The following MCEE variants were observed in gnomAD, a reference collection of about 807,000 sequenced individuals.
MCEE encodes the protein methylmalonyl-CoA epimerase, mitochondrial.
Under a neutral mutation model 12.9 loss-of-function variants are expected in MCEE, and 6 were observed. The ratio of observed to expected loss-of-function variants is 0.47; its 90% CI spans 0.26 to 0.92. MCEE has a LOEUF of 0.92. Ranked by LOEUF, MCEE falls within the 40% of genes least tolerant of loss-of-function variation. MCEE has a pLI of 0.16. For missense variants in MCEE, 214 were observed against 212.1 expected (o/e 1.01, Z -0.05); for synonymous variants, 78 against 77.9 (o/e 1.00, Z -0.01).
intron 1 of MCEE, among the ~76,000 whole-genome samples, chr2:71,127,862 G>A (rs558615858): frequency 6.6e-6 from 1 of 152,332 alleles, no homozygotes; most frequent in East Asian, 1.9e-4. Context: ...CTGACCTCAG[G>A]TGATCCACCT....
chr2:71,114,982 AT>A (rs1672961594), intron 2 of MCEE, among the ~76,000 whole-genome samples: 1 of 152,122 alleles, frequency 6.6e-6, no homozygotes, highest in Admixed American at 6.5e-5. Flanking sequence ...GAATATTTTC[AT>A]TTATGGAACA....
Position 71,109,877 on chromosome 2 carries a change from T to C in MCEE, c.*93A>G. The C allele has an allele frequency of 4.1e-6, 5 of 1,221,576 alleles. No homozygotes were observed. Among genetic ancestry groups the C allele is most frequent in the Non-Finnish European group, 4.8e-6 (4 of 840,972 alleles). 75.7% of individuals were successfully genotyped at this position (1,221,576 alleles called of 1,614,324 possible). The stretch of plus-strand genomic sequence containing the variant: ...TCTTTAACTGTGAACTTTTACATGA[T>C]GGAAGCAGTGAAGGACTCAATGTCA... On this transcript the variant is annotated 3_prime_UTR_variant, in exon 3 of 3. Transcript: ENST00000244217.
intron 2 of MCEE, among the ~76,000 whole-genome samples, chr2:71,119,505 T>G (rs1452530383): frequency 2.0e-5 from 3 of 149,790 alleles, no homozygotes; most frequent in Non-Finnish European, 4.4e-5. Flanking sequence ...ATCCCTTATA[T>G]TTCCTCTTTG....
At chr2:71,115,226 A>G (rs1298714953) in intron 2 of MCEE, among the ~76,000 whole-genome samples, 1 of 152,138 alleles carries the variant, frequency 6.6e-6, no homozygotes, top group Admixed American at 6.5e-5. Context: ...CCCCATCTCT[A>G]TAATCAATCA....
intron 2 of MCEE, among the ~76,000 whole-genome samples, chr2:71,112,881 G>C (rs1394197948): frequency 6.6e-6 from 1 of 151,926 alleles, no homozygotes; most frequent in East Asian, 1.9e-4. Flanking sequence ...TCCTTTTCTG[G>C]GACTCCAACT....
chr2:71,116,600 G>T (rs539022627), intron 2 of MCEE, among the ~76,000 whole-genome samples: 13 of 142,784 alleles, frequency 9.1e-5, no homozygotes, highest in Middle Eastern at 3.7e-3. Context: ...AGGCTAGAAT[G>T]CAGTGGTGCG....
intron 2 of MCEE, among the ~76,000 whole-genome samples, chr2:71,113,154 T>A (rs1250693771): frequency 6.6e-6 from 1 of 152,290 alleles, no homozygotes; most frequent in South Asian, 2.1e-4. Flanking sequence ...TTCTCACTGT[T>A]GGAATGAGAA....
chr2:71,116,669 C>T (rs533668979), intron 2 of MCEE: 3 of 149,868 alleles, frequency 2.0e-5, no homozygotes, highest in East Asian at 3.9e-4. Context: ...GCCTCGGCCT[C>T]CCGAGTAACT....
chr2:71,112,806 T>C (rs1257449412), intron 2 of MCEE, among the ~76,000 whole-genome samples: 1 of 152,218 alleles, frequency 6.6e-6, no homozygotes, highest in Non-Finnish European at 1.5e-5. Flanking sequence ...ATGTTTTACA[T>C]CAGATTGGTA....
At position 71,125,211 on chromosome 2, in the gene MCEE, A is replaced by ATTTTTTTTTTTTTTTTT. The variant is rs1243506608; in HGVS notation, c.41-669_41-668insAAAAAAAAAAAAAAAAA. 4.1e-5 allele frequency among the ~76,000 whole-genome samples: 2 copies of ATTTTTTTTTTTTTTTTT among 48,594 alleles called. 1 individual carries two copies. Among genetic ancestry groups the ATTTTTTTTTTTTTTTTT allele is most frequent in the Non-Finnish European group, 8.8e-5 (2 of 22,712 alleles). The allele number at this position is 48,594 out of a possible 152,430, so 31.9% of individuals were successfully genotyped here. A position where few individuals can be genotyped will look rare whatever the true frequency, so the allele number is the denominator to read the frequency against. ...TAAATATATATATATATATATATATATTTTTTTTTTTTTTTGAGACGGAGT... is the reference window on the plus strand; with the variant it reads ...TAAATATATATATATATATATATATATTTTTTTTTTTTTTTTTTTTTTTTTTTTTTTTGAGACGGAGT... On this transcript the variant is annotated intron_variant, in intron 1 of 2. Transcript: ENST00000244217.
intron 1 of MCEE, 39 bp downstream of exon 1, chr2:71,130,141 C>T (rs375596208): frequency 6.2e-7 from 1 of 1,600,012 alleles, no homozygotes; most frequent in African/African-American, 1.3e-5. Flanking sequence ...TCCCACGCTC[C>T]CTGTCCCATG....
chr2:71,124,276 C>A lies in MCEE; in HGVS notation c.308G>T (p.Gly103Val), dbSNP rs1388154853. 3.7e-6 allele frequency: 6 copies of A among 1,614,056 alleles called. No homozygotes were observed. The highest frequency in any genetic ancestry group is 5.1e-6 in the Non-Finnish European group (6 of 1,180,014). Residue 103 changes from glycine to valine, a missense_variant, in exon 2 of 3, where the codon GGA becomes GTA. Physicochemically the swap from Gly to Val is moderately radical, Grantham distance 109. Transcript: ENST00000244217. ...NTKMELLHPL[G>V]RDSPIAGFLQ... ...AAAACCTGCAATTGGACTGTCACGTCCCAATGGATGAAGCAGTTCCATCTT... is the reference window on the plus strand; with the variant it reads ...AAAACCTGCAATTGGACTGTCACGTACCAATGGATGAAGCAGTTCCATCTT...
intron 2 of MCEE, among the ~76,000 whole-genome samples, chr2:71,123,746 A>G (rs1349758633): frequency 6.6e-6 from 1 of 152,220 alleles, no homozygotes; most frequent in Non-Finnish European, 1.5e-5. Context: ...ACAGTAATTG[A>G]AAATGTATTG....
intron 1 of MCEE, among the ~76,000 whole-genome samples, chr2:71,128,860 G>GGTGCCTGTAATCCCA (rs1444895212): frequency 6.6e-6 from 1 of 151,646 alleles, no homozygotes; most frequent in Non-Finnish European, 1.5e-5. Flanking sequence ...CGTGGTGCCG[G>GGTGCCTGTAATCCCA]GTGCCTGTAA....
intron 1 of MCEE, among the ~76,000 whole-genome samples, chr2:71,125,554 G>T (rs1325681752): frequency 6.6e-6 from 1 of 151,928 alleles, no homozygotes; most frequent in Admixed American, 6.6e-5. Flanking sequence ...TGTTGGTCAG[G>T]CTGGTCTCAA....
At chr2:71,123,538 TTA>T (rs1463086390) in intron 2 of MCEE, among the ~76,000 whole-genome samples, 3 of 150,986 alleles carry the variant, frequency 2.0e-5, no homozygotes, top group Admixed American at 6.6e-5. Context: ...GGCTTAACAA[TTA>T]TGTCATTCTT....
intron 2 of MCEE, among the ~76,000 whole-genome samples, chr2:71,122,922 T>G (rs1446549138): frequency 6.6e-6 from 1 of 152,250 alleles, no homozygotes; most frequent in African/African-American, 2.4e-5. Context: ...CTGTGAGGCC[T>G]TCCCAGCAAC....
intron 2 of MCEE, among the ~76,000 whole-genome samples, chr2:71,111,397 T>G (rs1438616638): frequency 6.6e-6 from 1 of 152,154 alleles, no homozygotes; most frequent in African/African-American, 2.4e-5. Context: ...TCAATATTAT[T>G]AAGCTTTTCT....
chr2:71,125,707 G>T (rs11884803), intron 1 of MCEE, among the ~76,000 whole-genome samples: 42,886 of 151,938 alleles, frequency 0.28, 7,132 homozygotes, highest in East Asian at 0.65. Flanking sequence ...GATCTCCACA[G>T]ATAACTCTGC....
Sources: allele counts gnomAD v4.1 joint callset (sites outside exome capture counted in the v4.1 genomes callset), GRCh38; gene constraint gnomAD v4.1.1; transcripts MANE v1.5; gene names NCBI Gene and HGNC (gene_info 2026-07-23, HGNC 2026-07-21).